The following FAT3 variants were observed in gnomAD, a reference collection of about 807,000 sequenced individuals.
FAT3 encodes the protein protocadherin Fat 3.
Under a neutral mutation model 310.2 loss-of-function variants are expected in FAT3, and 95 were observed. The ratio of observed to expected loss-of-function variants is 0.31; its 90% confidence interval spans 0.26 to 0.36. The LOEUF is 0.36. FAT3 is among the 10% of genes least tolerant of loss of function. The pLI is 1.00. For missense variants in FAT3, 5,408 were observed against 5,715.6 expected, an observed-to-expected ratio of 0.95 and a Z score of 1.74; for synonymous variants, 2,314 against 2,192.9, an observed-to-expected ratio of 1.06 and a Z score of -1.54.
chr11:92,396,417 A>G (rs1390966305), intron 2 of FAT3, among the ~76,000 whole-genome samples: 1 of 152,210 alleles, frequency 6.6e-6, no homozygotes, highest in Non-Finnish European at 1.5e-5. Context: ...AGAATTTACA[A>G]GTGCATACAC....
intron 3 of FAT3, among the ~76,000 whole-genome samples, chr11:92,630,901 G>A (rs910596765): frequency 6.6e-6 from 1 of 152,166 alleles, no homozygotes; most frequent in Non-Finnish European, 1.5e-5. Context: ...GTGATCAATA[G>A]AGTTAGATAA....
intron 2 of FAT3, among the ~76,000 whole-genome samples, chr11:92,407,613 C>T (rs1222779542): frequency 3.3e-5 from 5 of 152,092 alleles, no homozygotes; most frequent in Non-Finnish European, 2.9e-5. Flanking sequence ...AGACTGAAAT[C>T]TAATGTAGGC....
intron 1 of FAT3, among the ~76,000 whole-genome samples, chr11:92,312,842 C>T (rs1280857630): frequency 6.6e-6 from 1 of 152,136 alleles, no homozygotes; most frequent in East Asian, 1.9e-4. Flanking sequence ...AAGCGTCTTT[C>T]CTTTGGTACC....
intron 3 of FAT3, among the ~76,000 whole-genome samples, chr11:92,555,019 G>A (rs1322804752): frequency 6.6e-6 from 1 of 151,848 alleles, no homozygotes; most frequent in African/African-American, 2.4e-5. Flanking sequence ...CTACTACAGA[G>A]CAATGGTTTT....
chr11:92,503,789 A>T (rs1017687304), intron 2 of FAT3, among the ~76,000 whole-genome samples: 2 of 152,156 alleles, frequency 1.3e-5, no homozygotes, highest in Admixed American at 6.6e-5. Flanking sequence ...AATATAATTT[A>T]AAAAATAATG....
chr11:92,541,615 T>C (rs1420319332), intron 3 of FAT3, among the ~76,000 whole-genome samples: 1 of 152,108 alleles, frequency 6.6e-6, no homozygotes, highest in East Asian at 1.9e-4. Flanking sequence ...TACCCCACAT[T>C]CTCAAAGTGC....
At position 92,531,590 on chromosome 11, in the gene FAT3, G is replaced by A. The variant is rs141271298; in HGVS notation, c.3607+6642G>A. ...TACAGTTCATTCTGGGGGAATAATC[G>A]TGTTGCTCTGTGTTCCATGCTGCTT... On this transcript the variant is annotated intron_variant, in intron 3 of 27. Transcript: ENST00000525166. 4.6e-5 allele frequency among the ~76,000 whole-genome samples: 7 copies of A among 152,192 alleles called. No homozygotes were observed. In the East Asian group the frequency reaches 9.7e-4, roughly 21 times the overall value.
intron 4 of FAT3, among the ~76,000 whole-genome samples, chr11:92,749,861 A>G (rs1049522397): frequency 3.3e-5 from 5 of 152,238 alleles, no homozygotes; most frequent in African/African-American, 4.8e-5. Context: ...CTCTCTAGGC[A>G]TATTGTTTTA....
intron 21 of FAT3, among the ~76,000 whole-genome samples, chr11:92,859,659 G>A (rs1241768084): frequency 6.6e-6 from 1 of 152,152 alleles, no homozygotes; most frequent in South Asian, 2.1e-4. Context: ...AGGATTGGCT[G>A]TATCGTTTTC....
rs1308975370 is a variant in FAT3 at position 92,798,629 on chromosome 11, G to A, written c.5616G>A (p.Glu1872=). ...AGAGTCCCGTTGAAGTCAACATTGAGGTGACAGATGTGAATGATAACCCAC... is the reference window on the plus strand; with the variant it reads ...AGAGTCCCGTTGAAGTCAACATTGAAGTGACAGATGTGAATGATAACCCAC... ...TAESPVEVNI[E]VTDVNDNPPV... Residue 1872 remains glutamate (E), a synonymous_variant, in exon 10 of 28, where the codon GAG becomes GAA. Transcript: ENST00000525166. The A allele has an allele frequency of 6.2e-7, 1 of 1,613,778 alleles. No homozygotes were observed. The highest frequency in any genetic ancestry group is 8.5e-7 in the Non-Finnish European group (1 of 1,179,838).
intron 1 of FAT3, among the ~76,000 whole-genome samples, chr11:92,274,227 A>G (rs1167268887): frequency 6.6e-6 from 1 of 152,100 alleles, no homozygotes; most frequent in Non-Finnish European, 1.5e-5. Flanking sequence ...ACATGACAAT[A>G]GAGAATTGGT....
intron 18 of FAT3, among the ~76,000 whole-genome samples, chr11:92,843,191 A>G (rs1297465585): frequency 6.6e-6 from 1 of 152,062 alleles, no homozygotes; most frequent in Non-Finnish European, 1.5e-5. Context: ...ACAAGGACAC[A>G]TCTCTCCCCA....
intron 2 of FAT3, among the ~76,000 whole-genome samples, chr11:92,408,479 G>A (rs1417248464): frequency 2.0e-5 from 3 of 152,160 alleles, no homozygotes; most frequent in African/African-American, 2.4e-5. Context: ...CCCACCTGAA[G>A]CATGGGAGCA....
At chr11:92,266,879 A>G (rs1231033139) in intron 1 of FAT3, among the ~76,000 whole-genome samples, 1 of 152,136 alleles carries the variant, frequency 6.6e-6, no homozygotes, top group Non-Finnish European at 1.5e-5. Flanking sequence ...TTCATGCTCC[A>G]TAATTCTCAG....
intron 18 of FAT3, among the ~76,000 whole-genome samples, chr11:92,841,102 C>T (rs1006377545): frequency 6.6e-6 from 1 of 152,150 alleles, no homozygotes; most frequent in Non-Finnish European, 1.5e-5. Flanking sequence ...CAATCCCTGT[C>T]ATAAGGGGAC....
chr11:92,623,973 C>T (rs113842810), intron 3 of FAT3, among the ~76,000 whole-genome samples: 17 of 152,104 alleles, frequency 1.1e-4, no homozygotes, highest in African/African-American at 3.4e-4. Context: ...TCGCTTACCC[C>T]GTATAACAGA....
chr11:92,806,326 C>G, intron 11 of FAT3, 36 bp from the exon 12 acceptor site: 1 of 1,558,844 alleles, frequency 6.4e-7, no homozygotes, highest in Non-Finnish European at 8.7e-7. Flanking sequence ...CCCACAAATA[C>G]TAATGATTTT....
At chr11:92,702,015 G>T (rs998876413) in intron 4 of FAT3, among the ~76,000 whole-genome samples, 1 of 152,288 alleles carries the variant, frequency 6.6e-6, no homozygotes, top group African/African-American at 2.4e-5. Context: ...ATTCAGGTGT[G>T]CCTGTGATTG....
At chr11:92,548,571 A>C (rs680111) in intron 3 of FAT3, among the ~76,000 whole-genome samples, 61,779 of 152,090 alleles carry the variant, frequency 0.41, 13,010 homozygotes, top group Middle Eastern at 0.53. Flanking sequence ...AACTTTTCAA[A>C]TTTTAGGGCA....
Sources: allele counts gnomAD v4.1 joint callset (sites outside exome capture counted in the v4.1 genomes callset), GRCh38; gene constraint gnomAD v4.1.1; transcripts MANE v1.5; gene names NCBI Gene and HGNC (gene_info 2026-07-23, HGNC 2026-07-21).